Variants in DOCK1 observed in about 807,000 individuals in gnomAD.
DOCK1 encodes the protein dedicator of cytokinesis protein 1.
In DOCK1, 138 loss-of-function variants were observed where a neutral mutation model predicts 262.7. The ratio of observed to expected loss-of-function variants is 0.53; its 90% CI spans 0.46 to 0.61. DOCK1 has a LOEUF of 0.61. Ranked by LOEUF, DOCK1 falls within the 20% of genes least tolerant of loss-of-function variation. The pLI is 0.00. For missense variants in DOCK1, 1,908 were observed against 2,370.7 expected, an observed-to-expected ratio of 0.80 and a Z score of 4.05; for synonymous variants, 866 against 867.4, an observed-to-expected ratio of 1.00 and a Z score of 0.03.
At chr10:127,146,906 GC>G (rs2051914042) in intron 27 of DOCK1, among the ~76,000 whole-genome samples, 1 of 152,164 alleles carries the variant, frequency 6.6e-6, no homozygotes, top group African/African-American at 2.4e-5. Flanking sequence ...GCCCGGTTCT[GC>G]CGGCTGTCTT....
intron 27 of DOCK1, among the ~76,000 whole-genome samples, chr10:127,236,500 GTTTTTTTTTT>G (rs771387854): frequency 4.2e-4 from 28 of 66,786 alleles, no homozygotes; most frequent in African/African-American, 1.0e-3. Flanking sequence ...CTTGACACGG[GTTTTTTTTTT>G]TTTTTTTTTT....
intron 1 of DOCK1, among the ~76,000 whole-genome samples, chr10:126,917,869 C>T (rs898816080): frequency 1.3e-5 from 2 of 152,118 alleles, no homozygotes; most frequent in Admixed American, 1.3e-4. Flanking sequence ...CTCCCCCAGG[C>T]GCATAAAGCT....
intron 29 of DOCK1, among the ~76,000 whole-genome samples, chr10:127,297,270 G>A (rs1179967202): frequency 1.1e-4 from 17 of 152,178 alleles, no homozygotes; most frequent in Admixed American, 9.2e-4. Context: ...AGGGCAGTAG[G>A]ATAAGCTAAC....
intron 1 of DOCK1, among the ~76,000 whole-genome samples, chr10:126,906,190 A>T (rs886546691): frequency 1.3e-5 from 2 of 151,978 alleles, no homozygotes; most frequent in East Asian, 3.9e-4. Flanking sequence ...AGGCCTGGAG[A>T]CCCTTCCGGG....
rs2042300463 is a variant in DOCK1 at position 127,020,014 on chromosome 10, C to T, written c.1327+1179C>T. Among the ~76,000 whole-genome samples, 3 of 152,164 alleles carry T rather than the reference C, an allele frequency of 2.0e-5. No homozygotes were observed. The South Asian group carries it at 6.2e-4, about 32-fold the overall frequency. On this transcript the variant is annotated intron_variant, in intron 13 of 51. Coordinates refer to ENST00000623213, the MANE Select transcript of DOCK1 (RefSeq NM_001290223.2). ...ACTTCAAGACACATTCTTTCTACTC[C>T]TTTTGTCTTTCAGGGCTGTTGTGGG...
At position 127,286,752 on chromosome 10, in the gene DOCK1, C is replaced by T. The variant is rs114540728; in HGVS notation, c.3044+29323C>T. 3.2e-3 allele frequency among the ~76,000 whole-genome samples: 494 copies of T among 152,152 alleles called. 1 individual carries two copies. The highest frequency in any genetic ancestry group is 0.01 in the African/African-American group (427 of 41,512). On this transcript the variant is annotated intron_variant, in intron 29 of 51. Coordinates refer to ENST00000623213, the MANE Select transcript of DOCK1 (RefSeq NM_001290223.2). ...ACTCCTTAGAAAATGTTGTTTTATACATAGTTCCTATAGTTTGCCCAACTT... is the reference window on the plus strand; with the variant it reads ...ACTCCTTAGAAAATGTTGTTTTATATATAGTTCCTATAGTTTGCCCAACTT...
At chr10:126,953,853 T>C (rs2134440429) in intron 1 of DOCK1, among the ~76,000 whole-genome samples, 2 of 152,202 alleles carry the variant, frequency 1.3e-5, no homozygotes, top group Admixed American at 1.3e-4. Flanking sequence ...AGGAGTGTTT[T>C]CTGATGTCAG....
chr10:127,091,653 C>T (rs968848488), intron 23 of DOCK1, among the ~76,000 whole-genome samples: 7 of 152,166 alleles, frequency 4.6e-5, no homozygotes, highest in South Asian at 2.1e-4. Context: ...ACAGCAAATC[C>T]GTCTTGAGAT....
chr10:126,978,017 T>A lies in DOCK1; in HGVS notation c.171+29T>A, dbSNP rs75600770. 2.3e-3 allele frequency: 3,732 copies of A among 1,606,060 alleles called. 73 individuals carry two copies. In the African/African-American group the frequency reaches 0.038, roughly 16 times the overall value. On this transcript the variant is annotated intron_variant, in intron 3 of 51. Coordinates refer to ENST00000623213, the MANE Select transcript of DOCK1 (RefSeq NM_001290223.2). ...AGTCCTTCTTCTTAAACACAGTGCATGTCTCTTCATAAATCACACCTTGAG... is the reference window on the plus strand; with the variant it reads ...AGTCCTTCTTCTTAAACACAGTGCAAGTCTCTTCATAAATCACACCTTGAG...
At chr10:126,949,313 G>A (rs2035963309) in intron 1 of DOCK1, among the ~76,000 whole-genome samples, 1 of 152,082 alleles carries the variant, frequency 6.6e-6, no homozygotes, top group African/African-American at 2.4e-5. Flanking sequence ...AGTGCCTCTG[G>A]GGATTCCAGG....
At chr10:126,910,081 G>C (rs1161818573) in intron 1 of DOCK1, among the ~76,000 whole-genome samples, 1 of 152,178 alleles carries the variant, frequency 6.6e-6, no homozygotes, top group Non-Finnish European at 1.5e-5. Flanking sequence ...GATCTCTTTT[G>C]TTATCTAGAG....
chr10:127,268,499 A>T (rs2489410), intron 29 of DOCK1, among the ~76,000 whole-genome samples: 19,094 of 92,656 alleles, frequency 0.21, 1,728 homozygotes, highest in East Asian at 0.3. Context: ...CCGAGACTCC[A>T]CCTCAAAAAA....
In DOCK1 at chr10:126,999,345, T is replaced by C; in HGVS notation, c.768-9T>C. 1 of 1,610,184 alleles carries C rather than the reference T, an allele frequency of 6.2e-7. No homozygotes were observed. Among genetic ancestry groups the C allele is most frequent in the Non-Finnish European group, 8.5e-7 (1 of 1,177,902 alleles). The stretch of plus-strand genomic sequence containing the variant: ...AAATTAACTTGCTTTTATTTCTCCA[T>C]TTTTCAAGTGAGAACTACCTGGTTC... On this transcript the variant is annotated splice_polypyrimidine_tract_variant and intron_variant, in intron 8 of 51. Transcript: ENST00000623213.
chr10:127,096,795 G>A (rs145834100), intron 23 of DOCK1, among the ~76,000 whole-genome samples: 66 of 151,956 alleles, frequency 4.3e-4, no homozygotes, highest in African/African-American at 1.6e-3. Flanking sequence ...AATTACATTT[G>A]CTTAGAGACG....
chr10:127,056,239 C>T (rs1254675484), intron 22 of DOCK1, among the ~76,000 whole-genome samples: 1 of 152,166 alleles, frequency 6.6e-6, no homozygotes, highest in East Asian at 1.9e-4. Flanking sequence ...GGACCTCCCT[C>T]TGTCACTCAG....
intron 9 of DOCK1, among the ~76,000 whole-genome samples, chr10:126,999,947 T>G (rs982999452): frequency 2.0e-5 from 3 of 152,224 alleles, no homozygotes; most frequent in Non-Finnish European, 2.9e-5. Flanking sequence ...AGTGCTGGGA[T>G]TACAGGTGTG....
chr10:127,183,541 G>A (rs757153222), intron 27 of DOCK1, among the ~76,000 whole-genome samples: 4 of 152,188 alleles, frequency 2.6e-5, no homozygotes, highest in Non-Finnish European at 5.9e-5. Flanking sequence ...CAAATGTAGA[G>A]AAAATAACCT....
At chr10:127,226,086 A>C (rs898738660) in intron 27 of DOCK1, among the ~76,000 whole-genome samples, 13 of 151,936 alleles carry the variant, frequency 8.6e-5, no homozygotes, top group Non-Finnish European at 1.3e-4. Context: ...TCTCAAAAAA[A>C]AAAAAAAAAA....
chr10:127,302,708 A>AACTCT (rs2061723936), intron 29 of DOCK1, among the ~76,000 whole-genome samples: 1 of 151,634 alleles, frequency 6.6e-6, no homozygotes, highest in African/African-American at 2.4e-5. Flanking sequence ...TTCTATGCAT[A>AACTCT]GGGACAGCTT....
Sources: allele counts gnomAD v4.1 joint callset (sites outside exome capture counted in the v4.1 genomes callset), GRCh38; gene constraint gnomAD v4.1.1; transcripts MANE v1.5; gene names NCBI Gene and HGNC (gene_info 2026-07-23, HGNC 2026-07-21).